The following HTN3 variants were observed in gnomAD, a reference collection of about 807,000 sequenced individuals.
The protein encoded by HTN3 is histatin 3, also known as histatin-3.
A neutral mutation model predicts 10.6 loss-of-function variants in HTN3; 15 were observed. The observed-to-expected ratio is 1.42, with a 90% CI of 0.95 to 2.18. HTN3 has a LOEUF of 2.18. Among genes scored for constraint, HTN3 ranks in the 30% most tolerant of loss-of-function variants. HTN3 has a pLI of 0.00. For missense variants in HTN3, 68 were observed against 58.0 expected (o/e 1.17, Z -0.56); for synonymous variants, 15 against 16.9 (o/e 0.89, Z 0.27).
intron 1 of HTN3, among the ~76,000 whole-genome samples, chr4:70,029,863 T>C (rs1354539606): frequency 6.6e-6 from 1 of 152,144 alleles, no homozygotes; most frequent in African/African-American, 2.4e-5. Flanking sequence ...GTGACTTCTC[T>C]TCATTTTATT....
intron 1 of HTN3, among the ~76,000 whole-genome samples, chr4:70,029,785 ATAT>A (rs1207823821): frequency 1.3e-5 from 2 of 152,140 alleles, no homozygotes; most frequent in Non-Finnish European, 2.9e-5. Context: ...GCTTTGAATA[ATAT>A]TATTTGAAAT....
chr4:70,030,683 G>T, intron 1 of HTN3, 45 bp from the exon 2 acceptor site: 1 of 1,223,406 alleles, frequency 8.2e-7, no homozygotes, highest in Non-Finnish European at 1.2e-6. Flanking sequence ...ATGAATGAAT[G>T]CATGAAAGAA....
chr4:70,033,241 C>T lies in HTN3; in HGVS notation c.*21C>T, dbSNP rs1725430711. The stretch of plus-strand genomic sequence containing the variant: ...ATTGATATCTTCAGTAATCACGGGG[C>T]ATGATTATGGAGGTAAGCTGACTCT... On this transcript the variant is annotated 3_prime_UTR_variant, in exon 5 of 6. Coordinates refer to ENST00000673563, the MANE Select transcript of HTN3 (RefSeq NM_000200.3). 2.1e-6 allele frequency: 3 copies of T among 1,459,718 alleles called. No homozygotes were observed. The highest frequency in any genetic ancestry group is 1.2e-5 in the South Asian group (1 of 84,510). 90.4% of individuals were successfully genotyped at this position (1,459,718 alleles called of 1,614,324 possible).
intron 5 of HTN3, among the ~76,000 whole-genome samples, chr4:70,035,630 TC>T (rs1377444900): frequency 6.6e-6 from 1 of 152,218 alleles, no homozygotes; most frequent in African/African-American, 2.4e-5. Flanking sequence ...ATGGGAATTT[TC>T]AAGGAAATAT....
At chr4:70,028,743 C>T (rs1278688056) in intron 1 of HTN3, among the ~76,000 whole-genome samples, 5 of 152,086 alleles carry the variant, frequency 3.3e-5, no homozygotes, top group Admixed American at 3.3e-4. Flanking sequence ...CAATGTATTA[C>T]ATCCTCGCTG....
intron 5 of HTN3, chr4:70,034,378 C>T (rs1023296879): frequency 4.6e-5 from 7 of 152,082 alleles, no homozygotes; most frequent in African/African-American, 1.7e-4. Context: ...ACAAAAAACC[C>T]GTCTAAAAGT....
chr4:70,031,958 C>T (rs778787093), intron 2 of HTN3, 21 bp from the exon 3 acceptor site: 12 of 1,489,194 alleles, frequency 8.1e-6, no homozygotes, highest in African/African-American at 2.8e-5. Flanking sequence ...TAATTATTTT[C>T]TCATTTTCTT....
At chr4:70,033,867 T>C (rs1193760777) in intron 5 of HTN3, 2 of 152,054 alleles carry the variant, frequency 1.3e-5, no homozygotes, top group East Asian at 3.9e-4. Flanking sequence ...ATTATCTTTG[T>C]TGCAATTGTG....
intron 2 of HTN3, 138 bp downstream of exon 2, chr4:70,030,929 T>A: frequency 2.9e-6 from 2 of 683,020 alleles, no homozygotes; most frequent in Non-Finnish European, 5.0e-6. Context: ...TTTCCTTGAA[T>A]TAACCTATAT....
At chr4:70,034,580 T>C (rs1725464839) in intron 5 of HTN3, among the ~76,000 whole-genome samples, 1 of 152,166 alleles carries the variant, frequency 6.6e-6, no homozygotes, top group African/African-American at 2.4e-5. Flanking sequence ...TGTGGAGAGA[T>C]AGGAACACTT....
chr4:70,032,640 T>A (rs1725412226), intron 4 of HTN3, among the ~76,000 whole-genome samples: 1 of 152,050 alleles, frequency 6.6e-6, no homozygotes, highest in Non-Finnish European at 1.5e-5. Flanking sequence ...AAAGTTCTGC[T>A]TACTAATATA....
intron 5 of HTN3, among the ~76,000 whole-genome samples, chr4:70,035,338 A>G (rs1457787834): frequency 6.6e-6 from 1 of 152,142 alleles, no homozygotes; most frequent in Non-Finnish European, 1.5e-5. Context: ...TAAGAGACAA[A>G]TACATGTTAT....
rs756940069 is a variant in HTN3 at position 70,030,712 on chromosome 4, A to G, written c.-13-16A>G. 1.9e-5 allele frequency: 29 copies of G among 1,546,102 alleles called. No individual in the cohort carries two copies. The highest frequency in any genetic ancestry group is 2.2e-5 in the Non-Finnish European group (25 of 1,119,118). ...GAAAGAATGTGATTACTGATTTTTC[A>G]TGTTTGATTTTATAGGACTCAGCCA... On this transcript the variant is annotated splice_polypyrimidine_tract_variant and intron_variant, in intron 1 of 5. Coordinates refer to ENST00000673563, the MANE Select transcript of HTN3 (RefSeq NM_000200.3).
chr4:70,029,323 A>G (rs1725319230), intron 1 of HTN3, among the ~76,000 whole-genome samples: 1 of 152,056 alleles, frequency 6.6e-6, no homozygotes, highest in South Asian at 2.1e-4. Context: ...TAGGTAATAG[A>G]AAAACTTCAA....
intron 2 of HTN3, 135 bp from the exon 3 acceptor site, chr4:70,031,844 C>A: frequency 1.6e-6 from 1 of 630,860 alleles, no homozygotes; most frequent in Non-Finnish European, 2.8e-6. Flanking sequence ...GCTAAAATAA[C>A]TAATTTAGCA....
At chr4:70,030,271 T>A (rs958054328) in intron 1 of HTN3, among the ~76,000 whole-genome samples, 1 of 152,218 alleles carries the variant, frequency 6.6e-6, no homozygotes. Context: ...CTATTTAAGA[T>A]GTCCATTTGT....
At chr4:70,028,548 T>C (rs1315828143) in intron 1 of HTN3, 32 bp downstream of exon 1, 2 of 152,146 alleles carry the variant, frequency 1.3e-5, no homozygotes, top group African/African-American at 2.4e-5. Context: ...TAATATTATA[T>C]ATTAGCATAA....
intron 5 of HTN3, chr4:70,034,474 A>G (rs975331027): frequency 2.6e-5 from 4 of 152,252 alleles, no homozygotes; most frequent in African/African-American, 9.6e-5. Context: ...CACAATCATT[A>G]GAGAAATGCA....
intron 5 of HTN3, among the ~76,000 whole-genome samples, chr4:70,035,219 G>T (rs2109711263): frequency 6.6e-6 from 1 of 152,312 alleles, no homozygotes; most frequent in South Asian, 2.1e-4. Flanking sequence ...GTTTGCTACT[G>T]TTAAGAGACA....
Sources: gnomAD v4.1 joint callset for allele counts (sites outside exome capture counted in the v4.1 genomes callset) on GRCh38, gnomAD v4.1.1 for gene constraint, MANE v1.5 for transcripts, NCBI Gene and HGNC (gene_info 2026-07-23, HGNC 2026-07-21) for gene names.